Variants in NRCAM observed in about 807,000 individuals in gnomAD.
The protein encoded by NRCAM is neuronal cell adhesion molecule.
NRCAM carries 83 observed loss-of-function variants against 156.5 expected under a neutral mutation model. That is an observed-to-expected ratio of 0.53 (90% CI 0.44 to 0.64). NRCAM has a LOEUF of 0.64. Ranked by LOEUF, NRCAM falls within the 30% of genes least tolerant of loss-of-function variation. The probability of loss-of-function intolerance (pLI) is 0.00; values close to 1 mark genes in which losing one functional copy is unlikely to be tolerated. For synonymous variants in NRCAM, 538 were observed against 563.9 expected, an observed-to-expected ratio of 0.95 and a Z score of 0.65; for missense variants, 1,417 against 1,597.3, an observed-to-expected ratio of 0.89 and a Z score of 1.92.
At chr7:108,419,808 T>G (rs1208010241) in intron 1 of NRCAM, among the ~76,000 whole-genome samples, 1 of 152,212 alleles carries the variant, frequency 6.6e-6, no homozygotes, top group Non-Finnish European at 1.5e-5. Flanking sequence ...AAAGTTGGAT[T>G]CTTTCTTGAG....
intron 2 of NRCAM, among the ~76,000 whole-genome samples, chr7:108,341,887 C>T (rs563462288): frequency 6.6e-6 from 1 of 152,156 alleles, no homozygotes; most frequent in Non-Finnish European, 1.5e-5. Flanking sequence ...AGGCCGTTGT[C>T]CCTCTATACC....
intron 1 of NRCAM, among the ~76,000 whole-genome samples, chr7:108,428,298 T>A (rs547470700): frequency 6.6e-6 from 1 of 152,192 alleles, no homozygotes; most frequent in East Asian, 1.9e-4. Flanking sequence ...GTGAAAAAAA[T>A]TAATTACATA....
intron 24 of NRCAM, among the ~76,000 whole-genome samples, chr7:108,180,870 T>TTAA (rs761519524): frequency 8.5e-5 from 13 of 152,234 alleles, no homozygotes; most frequent in Non-Finnish European, 1.3e-4. Context: ...ACAGTGAGGC[T>TTAA]TTTATTACTG....
intron 32 of NRCAM, among the ~76,000 whole-genome samples, chr7:108,156,908 C>A (rs1025718264): frequency 3.3e-5 from 5 of 152,008 alleles, no homozygotes; most frequent in African/African-American, 1.2e-4. Flanking sequence ...TAATTACAGC[C>A]TCTAAGATAA....
Position 108,181,872 on chromosome 7 carries a change from A to G in NRCAM, c.2596T>C (p.Trp866Arg). The G allele has an allele frequency of 6.2e-7, 1 of 1,614,180 alleles. No individual in the cohort carries two copies. Among genetic ancestry groups the G allele is most frequent in the Non-Finnish European group, 8.5e-7 (1 of 1,180,012 alleles). ...VVNSTLAEVHWDPVPLKSIRG... is the reference protein window; with the variant it reads ...VVNSTLAEVHRDPVPLKSIRG... ...ATGCTTTTCAGAGGTACTGGGTCCC[A>G]GTGCACCTCGGCTAAGGTACTGTTC... is the stretch of plus-strand genomic sequence containing the variant. The change falls in exon 24 of 33, where the codon TGG becomes CGG. Residue 866 changes from tryptophan (W) to arginine (R), a missense_variant. Physicochemically the swap from Trp to Arg is moderately radical, Grantham distance 101. Transcript: ENST00000379028.
chr7:108,184,028 T>G (rs1414765095), intron 22 of NRCAM, among the ~76,000 whole-genome samples: 2 of 152,110 alleles, frequency 1.3e-5, no homozygotes, highest in Admixed American at 1.3e-4. Context: ...GAGCTGGGAT[T>G]TGCACCAAAT....
At position 108,181,869 on chromosome 7, in the gene NRCAM, C is replaced by A; in HGVS notation, c.2599G>T (p.Asp867Tyr). The A allele has an allele frequency of 6.2e-7, 1 of 1,614,116 alleles. No individual in the cohort carries two copies. Among genetic ancestry groups the A allele is most frequent in the Non-Finnish European group, 8.5e-7 (1 of 1,180,010 alleles). ...CGGATGCTTTTCAGAGGTACTGGGTCCCAGTGCACCTCGGCTAAGGTACTG... is the reference window on the plus strand; with the variant it reads ...CGGATGCTTTTCAGAGGTACTGGGTACCAGTGCACCTCGGCTAAGGTACTG... ...VNSTLAEVHW[D>Y]PVPLKSIRGH... Residue 867 changes from aspartate to tyrosine, a missense_variant, in exon 24 of 33, where the codon GAC becomes TAC. This residue lies in a region of NRCAM where 1,238 missense variants were observed against 1,336.4 expected (regional missense o/e 0.93). Transcript: ENST00000379028.
intron 1 of NRCAM, among the ~76,000 whole-genome samples, chr7:108,442,265 A>AT (rs1839439881): frequency 6.6e-6 from 1 of 152,158 alleles, no homozygotes; most frequent in Non-Finnish European, 1.5e-5. Context: ...GCCACGAGTC[A>AT]TCCATTCCAA....
At chr7:108,183,048 A>C in intron 22 of NRCAM, 128 bp from the exon 23 acceptor site, 1 of 750,172 alleles carries the variant, frequency 1.3e-6, no homozygotes, top group Non-Finnish European at 2.2e-6. Flanking sequence ...CAAGCTATTA[A>C]CCATTTTCTC....
intron 32 of NRCAM, among the ~76,000 whole-genome samples, chr7:108,150,495 A>T (rs1364026150): frequency 6.6e-6 from 1 of 152,222 alleles, no homozygotes; most frequent in Non-Finnish European, 1.5e-5. Flanking sequence ...TGAATTCAAA[A>T]AGGCAAAAGC....
At chr7:108,301,140 G>A in intron 3 of NRCAM, among the ~76,000 whole-genome samples, 1 of 152,044 alleles carries the variant, frequency 6.6e-6, no homozygotes, top group East Asian at 1.9e-4. Flanking sequence ...AACATAATCT[G>A]CAAAGAATTC....
At chr7:108,277,596 G>A (rs111740829) in intron 3 of NRCAM, among the ~76,000 whole-genome samples, 6,480 of 151,906 alleles carry the variant, frequency 0.043, 183 homozygotes, top group South Asian at 0.11. Context: ...CAGGTCATTT[G>A]AGGTCTTCTC....
chr7:108,218,707 G>T (rs2090834671), intron 11 of NRCAM, among the ~76,000 whole-genome samples: 1 of 152,110 alleles, frequency 6.6e-6, no homozygotes, highest in African/African-American at 2.4e-5. Context: ...ATACAGCAGA[G>T]GCGGTGCTAA....
intron 30 of NRCAM, among the ~76,000 whole-genome samples, chr7:108,164,678 A>G (rs1374681055): frequency 6.6e-6 from 1 of 152,192 alleles, no homozygotes; most frequent in African/African-American, 2.4e-5. Context: ...AAAGGGAGGC[A>G]GCGTAATGGT....
chr7:108,310,286 G>A (rs572558949), intron 3 of NRCAM, among the ~76,000 whole-genome samples: 23 of 152,164 alleles, frequency 1.5e-4, no homozygotes, highest in Admixed American at 3.9e-4. Flanking sequence ...TGATTTCAGA[G>A]GTATCCTCTC....
intron 5 of NRCAM, among the ~76,000 whole-genome samples, chr7:108,236,399 C>T (rs1348478024): frequency 2.0e-5 from 3 of 152,052 alleles, no homozygotes; most frequent in Non-Finnish European, 4.4e-5. Flanking sequence ...TATCCCATCC[C>T]CCTCCTTGTC....
rs184370613 is a variant in NRCAM at position 108,362,035 on chromosome 7, C to A, written c.-174+37401G>T. ...GTTTATAGCAGCTTTACTCATAATGCCCCAAACTGGAAGCAACCCAGATGT... is the reference window on the plus strand; with the variant it reads ...GTTTATAGCAGCTTTACTCATAATGACCCAAACTGGAAGCAACCCAGATGT... On this transcript the variant is annotated intron_variant, in intron 2 of 32. Coordinates refer to ENST00000379028, the MANE Select transcript of NRCAM (RefSeq NM_001037132.4). Among the ~76,000 whole-genome samples the A allele has an allele frequency of 2.5e-3, 384 of 152,228 alleles. 3 individuals are homozygous for A. The highest frequency in any genetic ancestry group is 9.0e-3 in the African/African-American group (372 of 41,540).
At chr7:108,369,391 C>T (rs2099614450) in intron 2 of NRCAM, among the ~76,000 whole-genome samples, 3 of 151,898 alleles carry the variant, frequency 2.0e-5, no homozygotes, top group Admixed American at 2.0e-4. Context: ...TAAAAAGTAA[C>T]TTATGAAATA....
chr7:108,214,970 T>A (rs866449363), intron 11 of NRCAM, among the ~76,000 whole-genome samples: 1 of 152,182 alleles, frequency 6.6e-6, no homozygotes, highest in African/African-American at 2.4e-5. Flanking sequence ...CAGACTGTTA[T>A]GATTTCTGTT....
Sources: allele counts gnomAD v4.1 joint callset (sites outside exome capture counted in the v4.1 genomes callset), GRCh38; gene constraint gnomAD v4.1.1; regional missense constraint gnomAD v4.1.1; transcripts MANE v1.5; gene names NCBI Gene and HGNC (gene_info 2026-07-23, HGNC 2026-07-21).